The following METAP2 variants were observed in gnomAD, a reference collection of about 807,000 sequenced individuals.
METAP2 encodes the protein methionyl aminopeptidase 2.
In METAP2, 25 loss-of-function variants were observed where a neutral mutation model predicts 59.4. The ratio of observed to expected loss-of-function variants is 0.42; its 90% CI spans 0.31 to 0.59. The LOEUF is 0.59. Ranked by LOEUF, METAP2 falls within the 20% of genes least tolerant of loss-of-function variation. METAP2 has a pLI of 0.16. For synonymous variants in METAP2, 214 were observed against 194.1 expected (o/e 1.10, Z -0.85); for missense variants, 366 against 581.2 (o/e 0.63, Z 3.81).
Position 95,515,017 on chromosome 12 carries a change from C to G in METAP2, c.*1113C>G, listed in dbSNP as rs576261291. On this transcript the variant is annotated 3_prime_UTR_variant, in exon 11 of 11. Transcript: ENST00000323666. ...TTTGAACTGAGGCCCACTACTGATT[C>G]TTTGACAAATTGAATTCTTATATTT... is the stretch of plus-strand genomic sequence containing the variant. The G allele has an allele frequency of 4.6e-5, 7 of 152,594 alleles. No homozygotes were observed. The highest frequency in any genetic ancestry group is 8.8e-5 in the Non-Finnish European group (6 of 68,026). 9.5% of individuals were successfully genotyped at this position (152,594 alleles called of 1,614,324 possible). A position where few individuals can be genotyped will look rare whatever the true frequency, so the allele number is the denominator to read the frequency against.
At chr12:95,492,124 A>G (rs200683957) in intron 4 of METAP2, among the ~76,000 whole-genome samples, 30 of 81,568 alleles carry the variant, frequency 3.7e-4, no homozygotes, top group African/African-American at 1.7e-3. Flanking sequence ...GTGTATGTAT[A>G]TGTGTGTTTG....
chr12:95,493,351 A>G (rs1392685865), intron 4 of METAP2, among the ~76,000 whole-genome samples: 1 of 152,172 alleles, frequency 6.6e-6, no homozygotes, highest in African/African-American at 2.4e-5. Context: ...GTGTGCTGGT[A>G]TGCACCTGTA....
At chr12:95,485,567 A>G (rs1019613541) in intron 3 of METAP2, among the ~76,000 whole-genome samples, 1 of 152,062 alleles carries the variant, frequency 6.6e-6, no homozygotes, top group Non-Finnish European at 1.5e-5. Flanking sequence ...GTGAAAGCCA[A>G]CCTCTCTATG....
At chr12:95,490,790 C>T (rs1417729436) in intron 4 of METAP2, among the ~76,000 whole-genome samples, 1 of 152,060 alleles carries the variant, frequency 6.6e-6, no homozygotes, top group Non-Finnish European at 1.5e-5. Context: ...TCTTCAGTGC[C>T]CCATCTCTTT....
At chr12:95,511,832 A>G (rs2076405147) in intron 8 of METAP2, 63 bp from the exon 9 acceptor site, 1 of 1,148,072 alleles carries the variant, frequency 8.7e-7, no homozygotes, top group South Asian at 1.4e-5. Context: ...ACCAAAATGT[A>G]AGAGATCTGT....
chr12:95,509,866 T>TA (rs2076389537), intron 8 of METAP2, among the ~76,000 whole-genome samples: 1 of 150,138 alleles, frequency 6.7e-6, no homozygotes, highest in Admixed American at 6.6e-5. Context: ...TTTTTTTTTT[T>TA]GAGACTCTGT....
rs369291929 is a variant in METAP2, at chr12:95,504,144, A to G, written c.947A>G (p.Asp316Gly). 3 of 1,600,802 alleles carry G rather than the reference A, an allele frequency of 1.9e-6. No homozygotes were observed. Among genetic ancestry groups the G allele is most frequent in the African/African-American group, 2.7e-5 (2 of 74,616 alleles). The change falls in exon 8 of 11, where the codon GAT (aspartate) becomes GGT (glycine). Residue 316 changes from aspartate to glycine, a missense_variant. Around this residue, in one of 4 missense-constraint regions of METAP2, gnomAD observed 106 missense variants for 221.9 expected, o/e 0.48. Transcript: ENST00000323666. ...EVMESYEVEI[D>G]GKTYQVKPIR... Reference sequence around the variant, plus strand: ...ATGGAGTCCTATGAAGTTGAAATAGATGGGAAGACATATCAAGGTATGTTC... The same window carrying G: ...ATGGAGTCCTATGAAGTTGAAATAGGTGGGAAGACATATCAAGGTATGTTC...
At chr12:95,509,486 G>A (rs985371543) in intron 8 of METAP2, among the ~76,000 whole-genome samples, 5 of 152,204 alleles carry the variant, frequency 3.3e-5, no homozygotes, top group African/African-American at 9.7e-5. Flanking sequence ...GACGCCAGTC[G>A]GAGGTTGGGC....
At chr12:95,488,555 A>T (rs1474912452) in intron 4 of METAP2, among the ~76,000 whole-genome samples, 1 of 147,942 alleles carries the variant, frequency 6.8e-6, no homozygotes, top group Admixed American at 6.8e-5. Flanking sequence ...CTGAGTTCCC[A>T]GTAGTCTCTC....
Position 95,512,864 on chromosome 12 carries a change from A to T in METAP2, c.1132A>T (p.Met378Leu). The change falls in exon 10 of 11, where the codon ATG becomes TTG. Residue 378 changes from methionine to leucine, a missense_variant. Coordinates refer to ENST00000323666, the MANE Select transcript of METAP2 (RefSeq NM_006838.4). ...AGGAAAAGGTGTTGTTCATGATGAT[A>T]TGGAATGTTCACATTACATGAAAAA... ...STGKGVVHDDMECSHYMKNFD... is the reference protein window; with the variant it reads ...STGKGVVHDDLECSHYMKNFD... The T allele has an allele frequency of 1.2e-6, 2 of 1,613,458 alleles. No individual in the cohort carries two copies. Among genetic ancestry groups the T allele is most frequent in the Non-Finnish European group, 1.7e-6 (2 of 1,179,492 alleles).
chr12:95,494,643 A>G (rs370610825), intron 5 of METAP2, among the ~76,000 whole-genome samples: 14 of 152,312 alleles, frequency 9.2e-5, no homozygotes, highest in South Asian at 4.1e-4. Context: ...AATTTAAAAA[A>G]TATACAACAT....
At chr12:95,474,710 T>G (rs2140134242) in intron 1 of METAP2, among the ~76,000 whole-genome samples, 1 of 152,262 alleles carries the variant, frequency 6.6e-6, no homozygotes, top group South Asian at 2.1e-4. Context: ...CCGATTCTGA[T>G]CCGTATTGCC....
At chr12:95,487,194 C>T (rs568164539) in intron 4 of METAP2, among the ~76,000 whole-genome samples, 13 of 152,246 alleles carry the variant, frequency 8.5e-5, no homozygotes, top group African/African-American at 2.9e-4. Flanking sequence ...TTTATAATAC[C>T]ATGGACATTG....
chr12:95,487,776 C>T (rs1268319414), intron 4 of METAP2, among the ~76,000 whole-genome samples: 2 of 152,098 alleles, frequency 1.3e-5, no homozygotes, highest in Non-Finnish European at 2.9e-5. Flanking sequence ...CTTTCCTCCA[C>T]CTTTTCTCAT....
At chr12:95,499,324 T>C (rs748340702) in intron 7 of METAP2, among the ~76,000 whole-genome samples, 10 of 152,078 alleles carry the variant, frequency 6.6e-5, no homozygotes, top group Non-Finnish European at 1.3e-4. Context: ...TTGTTTTTTA[T>C]AGAGACAAGT....
Position 95,514,725 on chromosome 12 carries a change from T to A in METAP2, c.*821T>A, listed in dbSNP as rs2076433104. 1 of 152,028 alleles carries A rather than the reference T, an allele frequency of 6.6e-6. No homozygotes were observed. Among genetic ancestry groups the A allele is most frequent in the Admixed American group, 6.6e-5 (1 of 15,254 alleles). 9.4% of individuals were successfully genotyped at this position (152,028 alleles called of 1,614,324 possible). A position where few individuals can be genotyped will look rare whatever the true frequency, so the allele number is the denominator to read the frequency against. On this transcript the variant is annotated 3_prime_UTR_variant, in exon 11 of 11. Transcript: ENST00000323666. ...TGTTTATCAGGGAATGTATTCAGCTTGCTCAGAAAACCAAAAGGGTATTAA... is the reference window on the plus strand; with the variant it reads ...TGTTTATCAGGGAATGTATTCAGCTAGCTCAGAAAACCAAAAGGGTATTAA...
intron 10 of METAP2, 51 bp downstream of exon 10, chr12:95,512,967 G>A (rs1594442253): frequency 9.5e-7 from 1 of 1,053,616 alleles, no homozygotes; most frequent in Non-Finnish European, 1.5e-6. Context: ...TCTCTTCTGA[G>A]TTAACAGCAT....
At chr12:95,492,906 A>G (rs1010102245) in intron 4 of METAP2, among the ~76,000 whole-genome samples, 3 of 152,212 alleles carry the variant, frequency 2.0e-5, no homozygotes, top group African/African-American at 7.2e-5. Context: ...TAGCTTTGCC[A>G]TTGTAGCATG....
Position 95,474,196 on chromosome 12 carries a change from A to G in METAP2, c.17A>G (p.Glu6Gly), listed in dbSNP as rs150746543. The G allele has an allele frequency of 7.4e-5, 119 of 1,613,956 alleles. No individual in the cohort carries two copies. The African/African-American group carries it at 1.1e-3, about 15-fold the overall frequency. The stretch of plus-strand genomic sequence containing the variant: ...TCGGGCAACATGGCGGGTGTGGAGG[A>G]GGTAGCGGCCTCCGGGAGCCACCTG... Reference protein sequence around the residue: MAGVEEVAASGSHLNG... With the variant: MAGVEGVAASGSHLNG... The change falls in exon 1 of 11, where the codon GAG becomes GGG. Residue 6 changes from glutamate to glycine, a missense_variant. Glu to Gly is a moderately conservative substitution (Grantham distance 98). Around this residue, in one of 4 missense-constraint regions of METAP2, gnomAD observed 177 missense variants for 180.3 expected, o/e 0.98. Coordinates refer to ENST00000323666, the MANE Select transcript of METAP2 (RefSeq NM_006838.4).
Sources: allele counts gnomAD v4.1 joint callset (sites outside exome capture counted in the v4.1 genomes callset), GRCh38; gene constraint gnomAD v4.1.1; regional missense constraint gnomAD v4.1.1; transcripts MANE v1.5; gene names NCBI Gene and HGNC (gene_info 2026-07-23, HGNC 2026-07-21).